The following MLIP variants were observed in gnomAD, a reference collection of about 807,000 sequenced individuals.
MLIP encodes muscular LMNA interacting protein.
Under a neutral mutation model 84.8 loss-of-function variants are expected in MLIP, and 79 were observed. That is an observed-to-expected ratio of 0.93 (90% CI 0.78 to 1.12). The LOEUF is 1.12. Among genes scored for constraint, MLIP ranks in the 50% most tolerant of loss-of-function variants. The pLI is 0.00. For missense variants in MLIP, 1,257 were observed against 1,160.6 expected, an observed-to-expected ratio of 1.08 and a Z score of -1.21; for synonymous variants, 504 against 463.0, an observed-to-expected ratio of 1.09 and a Z score of -1.14.
At chr6:54,154,490 A>G (rs12193888) in intron 5 of MLIP, among the ~76,000 whole-genome samples, 55,242 of 152,078 alleles carry the variant, frequency 0.36, 11,689 homozygotes, top group African/African-American at 0.58. Context: ...GTGCGCTTTC[A>G]TCTTCACAAC....
At chr6:54,143,108 C>T (rs758944309) in intron 4 of MLIP, among the ~76,000 whole-genome samples, 1 of 152,120 alleles carries the variant, frequency 6.6e-6, no homozygotes, top group Non-Finnish European at 1.5e-5. Context: ...CTGTGCTTCT[C>T]TCCAGCTAGC....
chr6:54,158,088 T>C (rs1490069923), intron 5 of MLIP, among the ~76,000 whole-genome samples: 1 of 152,114 alleles, frequency 6.6e-6, no homozygotes, highest in Non-Finnish European at 1.5e-5. Context: ...TTCTAGCATC[T>C]GGACCTGGTA....
intron 1 of MLIP, among the ~76,000 whole-genome samples, chr6:54,095,730 T>C (rs1399072271): frequency 6.6e-6 from 1 of 152,208 alleles, no homozygotes; most frequent in Admixed American, 6.5e-5. Context: ...AAAGAGCTTA[T>C]GAGAGAAGAG....
chr6:54,083,454 G>T, intron 1 of MLIP: 1 of 1,521,398 alleles, frequency 6.6e-7, no homozygotes, highest in Non-Finnish European at 8.8e-7. Context: ...TGTCATCTTT[G>T]CAGCTCATCA....
chr6:54,182,962 T>C (rs1777033313), intron 9 of MLIP, among the ~76,000 whole-genome samples: 1 of 152,206 alleles, frequency 6.6e-6, no homozygotes, highest in Non-Finnish European at 1.5e-5. Flanking sequence ...TTAGATAGCA[T>C]ACAGGTAAGA....
At chr6:54,106,654 C>A (rs552061209), upstream of MLIP, among the ~76,000 whole-genome samples, 1 of 152,174 alleles carries the variant, frequency 6.6e-6, no homozygotes, top group South Asian at 2.1e-4. Flanking sequence ...TTAGCCTAAG[C>A]AACTAGAAAT....
chr6:54,231,752 T>A (rs1355687514), intron 12 of MLIP, among the ~76,000 whole-genome samples: 1 of 152,190 alleles, frequency 6.6e-6, no homozygotes, highest in Non-Finnish European at 1.5e-5. Flanking sequence ...CTACAAGGTA[T>A]CTACCTCCAG....
intron 2 of MLIP, among the ~76,000 whole-genome samples, chr6:54,124,213 G>A (rs1770709172): frequency 6.6e-6 from 1 of 152,016 alleles, no homozygotes; most frequent in Admixed American, 6.6e-5. Flanking sequence ...GTCGTATCAT[G>A]ACTTACTTGA....
intron 1 of MLIP, among the ~76,000 whole-genome samples, chr6:54,055,538 C>T (rs1180116481): frequency 2.6e-5 from 4 of 152,048 alleles, no homozygotes; most frequent in Non-Finnish European, 2.9e-5. Context: ...TTCATTCAGT[C>T]CCTGTTCATT....
intron 9 of MLIP, among the ~76,000 whole-genome samples, chr6:54,181,454 C>T (rs893890526): frequency 1.3e-5 from 2 of 152,116 alleles, no homozygotes; most frequent in African/African-American, 4.8e-5. Context: ...GAAATGATGT[C>T]TAAGAGCCTA....
Position 54,230,762 on chromosome 6 carries a change from A to T in MLIP, c.2767A>T (p.Thr923Ser), listed in dbSNP as rs1337373250. The change falls in exon 12 of 14, where the codon ACT becomes TCT. Residue 923 changes from threonine to serine, a missense_variant. Thr to Ser is a moderately conservative substitution (Grantham distance 58). Coordinates refer to ENST00000502396, the MANE Select transcript of MLIP (RefSeq NM_001281747.2). ...TGTCTCGCTCCATCCTTTATATCAGACTAAACTCTATCCTCCTGCTAAGTC... is the reference window on the plus strand; with the variant it reads ...TGTCTCGCTCCATCCTTTATATCAGTCTAAACTCTATCCTCCTGCTAAGTC... The part of the protein sequence containing the change: ...KPVSLHPLYQ[T>S]KLYPPAKSLL... The T allele has an allele frequency of 1.9e-6, 3 of 1,614,026 alleles. No individual in the cohort carries two copies. The highest frequency in any genetic ancestry group is 2.5e-6 in the Non-Finnish European group (3 of 1,180,000).
intron 1 of MLIP, among the ~76,000 whole-genome samples, chr6:54,050,380 A>G (rs1765308396): frequency 1.3e-5 from 2 of 152,150 alleles, no homozygotes; most frequent in South Asian, 4.1e-4. Context: ...ATACATGTAC[A>G]TGTACAGATA....
intron 11 of MLIP, among the ~76,000 whole-genome samples, chr6:54,224,047 AC>A (rs1780405010): frequency 6.6e-6 from 1 of 152,032 alleles, no homozygotes. Flanking sequence ...TTTAGAGGAA[AC>A]ATTATTTAAG....
chr6:54,254,613 G>A (rs984370417), intron 12 of MLIP, among the ~76,000 whole-genome samples: 6 of 151,982 alleles, frequency 3.9e-5, no homozygotes, highest in African/African-American at 1.5e-4. Context: ...CAACAAAATA[G>A]CAACATATCT....
chr6:54,042,147 A>G (rs1329899407), intron 1 of MLIP, among the ~76,000 whole-genome samples: 1 of 152,168 alleles, frequency 6.6e-6, no homozygotes, highest in African/African-American at 2.4e-5. Context: ...AGTTTTACTC[A>G]ACTTCTTTCC....
At position 54,138,367 on chromosome 6, in the gene MLIP, T is replaced by C. The variant is rs1490277925; in HGVS notation, c.2217+81T>C. 3 of 1,430,164 alleles carry C rather than the reference T, an allele frequency of 2.1e-6. No individual in the cohort carries two copies. In the African/African-American group the frequency reaches 4.3e-5, roughly 21 times the overall value. 88.6% of individuals were successfully genotyped at this position (1,430,164 alleles called of 1,614,324 possible). A position where few individuals can be genotyped will look rare whatever the true frequency, so the allele number is the denominator to read the frequency against. On this transcript the variant is annotated intron_variant, in intron 4 of 13. Coordinates refer to ENST00000502396, the MANE Select transcript of MLIP (RefSeq NM_001281747.2). ...TTTTTTTCCCCAAGGCAGAAATCAA[T>C]AATTATAGTATTAATTGTACTCCTA...
chr6:54,196,945 T>C (rs994153423), intron 10 of MLIP, among the ~76,000 whole-genome samples: 4 of 152,110 alleles, frequency 2.6e-5, no homozygotes, highest in African/African-American at 9.7e-5. Flanking sequence ...AGGTGATGTT[T>C]AAACGGACAT....
intron 1 of MLIP, among the ~76,000 whole-genome samples, chr6:54,071,370 G>A (rs1397230212): frequency 6.6e-6 from 1 of 151,818 alleles, no homozygotes; most frequent in Non-Finnish European, 1.5e-5. Context: ...TATTCATATT[G>A]CATAGTATTG....
At chr6:54,257,938 C>T (rs2150895972) in intron 13 of MLIP, among the ~76,000 whole-genome samples, 1 of 152,032 alleles carries the variant, frequency 6.6e-6, no homozygotes, top group African/African-American at 2.4e-5. Context: ...TAAATTCAAA[C>T]AACTTTCTTT....
Sources: gnomAD v4.1 joint callset for allele counts (sites outside exome capture counted in the v4.1 genomes callset) on GRCh38, gnomAD v4.1.1 for gene constraint, MANE v1.5 for transcripts, NCBI Gene and HGNC (gene_info 2026-07-23, HGNC 2026-07-21) for gene names.